CHCHD5: variants seen among roughly 807,000 people sequenced by gnomAD.
The protein encoded by CHCHD5 is coiled-coil-helix-coiled-coil-helix domain-containing protein 5.
Under a neutral mutation model 16.0 loss-of-function variants are expected in CHCHD5, and 10 were observed. That is an observed-to-expected ratio of 0.63 (90% CI 0.39 to 1.06). The LOEUF is 1.06. CHCHD5 is among the 50% of genes least tolerant of loss of function. The pLI, the probability that CHCHD5 is intolerant of heterozygous loss-of-function variation, is 0.01. For synonymous variants in CHCHD5, 55 were observed against 56.3 expected (o/e 0.98, Z 0.10); for missense variants, 163 against 153.4 (o/e 1.06, Z -0.33).
chr2:112,587,069 T>C (rs970157460), intron 3 of CHCHD5: 4 of 155,000 alleles, frequency 2.6e-5, no homozygotes, highest in Non-Finnish European at 5.7e-5. Flanking sequence ...GTCACATCTT[T>C]CCCCAGCCCC....
intron 3 of CHCHD5, 41 bp from the exon 4 acceptor site, chr2:112,588,825 C>T (rs747099296): frequency 2.7e-5 from 42 of 1,570,032 alleles, no homozygotes; most frequent in Non-Finnish European, 3.5e-5. Context: ...AGGCTGGGCA[C>T]AGAGGAGGTG....
intron 3 of CHCHD5, chr2:112,587,173 C>T (rs1486203592): frequency 6.5e-6 from 1 of 153,792 alleles, no homozygotes; most frequent in Non-Finnish European, 1.4e-5. Flanking sequence ...GCCCCATGCT[C>T]CATCTTGACT....
rs140990791 is a variant in CHCHD5, at chr2:112,586,111, C to T, written c.140C>T (p.Ser47Phe). 2.4e-5 allele frequency: 38 copies of T among 1,614,034 alleles called. No individual in the cohort carries two copies. The African/African-American group carries it at 4.9e-4, about 21-fold the overall frequency. The change falls in exon 2 of 4, where the codon TCC (serine) becomes TTC (phenylalanine). Residue 47 changes from serine (S) to phenylalanine (F), a missense_variant. By Grantham distance (155) the Ser-to-Phe change is radical. Coordinates refer to ENST00000324913, the MANE Select transcript of CHCHD5 (RefSeq NM_032309.4). Reference sequence around the variant, plus strand: ...ATGAGCATTGCCCAGTGCACATCCTCCCAGTGAGTGCGGGCAAGTATGAGA... The same window carrying T: ...ATGAGCATTGCCCAGTGCACATCCTTCCAGTGAGTGCGGGCAAGTATGAGA... ...LKMSIAQCTS[S>F]HPIIRQIRQA... is the part of the protein sequence containing the mutation.
rs774654858 is a variant in CHCHD5, at chr2:112,586,875, A to G, written c.309+510A>G. 1.9e-4 allele frequency: 67 copies of G among 343,986 alleles called. 1 individual carries two copies. Among genetic ancestry groups the G allele is most frequent in the Non-Finnish European group, 2.7e-4 (50 of 186,498 alleles). The allele number at this position is 343,986 out of a possible 1,614,324, so 21.3% of individuals were successfully genotyped here. ...GTGGCCAAAAAAAGGTCACTCTTTT[A>G]AATGTATCTAATATGTAAACCAGAT... On this transcript the variant is annotated intron_variant, in intron 3 of 3. Transcript: ENST00000324913.
chr2:112,585,879 C>A, intron 1 of CHCHD5, 95 bp from the exon 2 acceptor site: 2 of 1,405,130 alleles, frequency 1.4e-6, no homozygotes, highest in Non-Finnish European at 1.9e-6. Context: ...GCCTGGGCCA[C>A]AGTGAGACCC....
upstream of CHCHD5, chr2:112,584,513 C>T (rs1685139273): frequency 5.3e-6 from 6 of 1,142,620 alleles, no homozygotes; most frequent in East Asian, 7.3e-5. Context: ...ACAGATTAGT[C>T]CTAAAGGGAA....
Position 112,586,000 on chromosome 2 carries a change from G to C in CHCHD5, c.29G>C (p.Arg10Pro). The change falls in exon 2 of 4, where the codon CGC becomes CCC. Residue 10 changes from arginine (R) to proline (P), a missense_variant. Arg to Pro is a moderately radical substitution (Grantham distance 103). Coordinates refer to ENST00000324913, the MANE Select transcript of CHCHD5 (RefSeq NM_032309.4). MQAALEVTA[R>P]YCGRELEQYG... ...CAGGCGGCCCTAGAGGTCACCGCTCGCTACTGTGGCCGGGAGCTGGAGCAG... is the reference window on the plus strand; with the variant it reads ...CAGGCGGCCCTAGAGGTCACCGCTCCCTACTGTGGCCGGGAGCTGGAGCAG... 1 of 1,614,214 alleles carries C rather than the reference G, an allele frequency of 6.2e-7. No homozygotes were observed. The highest frequency in any genetic ancestry group is 2.2e-5 in the East Asian group (1 of 44,892).
Position 112,584,658 on chromosome 2 carries a change from T to A in CHCHD5, c.2+9T>A, listed in dbSNP as rs1462710462. Reference sequence around the variant, plus strand: ...GGCAAAGGTCTCGAGATGTGAGTAGTGAGAGCGCCTACCCCATACGTGCTG... The same window carrying A: ...GGCAAAGGTCTCGAGATGTGAGTAGAGAGAGCGCCTACCCCATACGTGCTG... On this transcript the variant is annotated intron_variant, in intron 1 of 3. Transcript: ENST00000324913. 1 of 1,613,802 alleles carries A rather than the reference T, an allele frequency of 6.2e-7. No individual in the cohort carries two copies. Among genetic ancestry groups the A allele is most frequent in the East Asian group, 2.2e-5 (1 of 44,894 alleles).
At chr2:112,586,490 A>G in intron 3 of CHCHD5, 125 bp downstream of exon 3, 2 of 1,557,286 alleles carry the variant, frequency 1.3e-6, no homozygotes, top group South Asian at 1.2e-5. Context: ...GGCCTTTGCC[A>G]TGCATCCAGA....
chr2:112,584,626 C>T lies in CHCHD5; in HGVS notation c.-22C>T. On this transcript the variant is annotated 5_prime_UTR_variant, in exon 1 of 4. Transcript: ENST00000324913. ...GGCGGGTCGTTCCCCCCGGACAGCCCTACGCCGGCAAAGGTCTCGAGATGT... is the reference window on the plus strand; with the variant it reads ...GGCGGGTCGTTCCCCCCGGACAGCCTTACGCCGGCAAAGGTCTCGAGATGT... 3 of 1,612,098 alleles carry T rather than the reference C, an allele frequency of 1.9e-6. No homozygotes were observed. Among genetic ancestry groups the T allele is most frequent in the Non-Finnish European group, 2.5e-6 (3 of 1,179,962 alleles).
chr2:112,588,629 G>T, intron 3 of CHCHD5: 1 of 514,806 alleles, frequency 1.9e-6, no homozygotes, highest in South Asian at 2.7e-5. Flanking sequence ...AGAGAGTTTT[G>T]CCTGCTGGGT....
At chr2:112,584,691 CCTT>C (rs1488593647) in intron 1 of CHCHD5, 42 bp downstream of exon 1, 2 of 1,612,706 alleles carry the variant, frequency 1.2e-6, no homozygotes, top group East Asian at 4.5e-5. Flanking sequence ...CTGCCGCTCC[CCTT>C]CTTTTACCCA....
Position 112,584,727 on chromosome 2 carries a change from C to T in CHCHD5, c.2+78C>T, listed in dbSNP as rs1685152361. The T allele has an allele frequency of 5.8e-6, 9 of 1,555,230 alleles. No individual in the cohort carries two copies. In the South Asian group the frequency reaches 9.0e-5, roughly 16 times the overall value. On this transcript the variant is annotated intron_variant, in intron 1 of 3. Coordinates refer to ENST00000324913, the MANE Select transcript of CHCHD5 (RefSeq NM_032309.4). ...CCAGTGATCTAGACCTAGTCTAGGA[C>T]CTCGGGAACTAGGACCAGCCTCCCT...
chr2:112,588,534 C>G (rs1303662199), intron 3 of CHCHD5: 1 of 345,664 alleles, frequency 2.9e-6, no homozygotes, highest in Non-Finnish European at 5.4e-6. Context: ...CCGCACACAC[C>G]TCTGCTCTTT....
intron 1 of CHCHD5, 136 bp downstream of exon 1, chr2:112,584,785 G>C (rs1018003119): frequency 1.8e-6 from 2 of 1,090,984 alleles, no homozygotes; most frequent in Non-Finnish European, 2.7e-6. Context: ...AGGATTCAGC[G>C]CCTTCGCTCA....
intron 2 of CHCHD5, 38 bp from the exon 3 acceptor site, chr2:112,586,162 G>T: frequency 6.2e-7 from 1 of 1,609,548 alleles, no homozygotes; most frequent in Non-Finnish European, 8.5e-7. Flanking sequence ...GCAGTGGGGT[G>T]GGAATCTCCC....
chr2:112,586,044 G>T lies in CHCHD5; in HGVS notation c.73G>T (p.Ala25Ser). 1 of 1,614,252 alleles carries T rather than the reference G, an allele frequency of 6.2e-7. No individual in the cohort carries two copies. ...GGAGCAGTATGGCCAGTGTGTGGCG[G>T]CCAAGCCGGAATCCTGGCAGCGGGA... is the stretch of plus-strand genomic sequence containing the variant. ...ELEQYGQCVAAKPESWQRDCH... is the reference protein window; with the variant it reads ...ELEQYGQCVASKPESWQRDCH... The change falls in exon 2 of 4, where the codon GCC (alanine) becomes TCC (serine). Residue 25 changes from alanine to serine, a missense_variant. Transcript: ENST00000324913.
chr2:112,586,630 C>T lies in CHCHD5; in HGVS notation c.309+265C>T, dbSNP rs183346352. ...CCCTTCCTCCCTCTTTTCTTGCCTC[C>T]ATAAAGCGGCCTGGGTGAGCATGTA... On this transcript the variant is annotated intron_variant, in intron 3 of 3. Transcript: ENST00000324913. 45 of 1,466,692 alleles carry T rather than the reference C, an allele frequency of 3.1e-5. No homozygotes were observed. In the East Asian group the frequency reaches 1.1e-3, roughly 35 times the overall value. The allele number at this position is 1,466,692 out of a possible 1,614,324, so 90.9% of individuals were successfully genotyped here. A position where few individuals can be genotyped will look rare whatever the true frequency, so the allele number is the denominator to read the frequency against.
At position 112,586,201 on chromosome 2, in the gene CHCHD5, C is replaced by G; in HGVS notation, c.145C>G (p.Pro49Ala). The G allele has an allele frequency of 6.2e-7, 1 of 1,609,552 alleles. No homozygotes were observed. Among genetic ancestry groups the G allele is most frequent in the Non-Finnish European group, 8.5e-7 (1 of 1,176,120 alleles). Residue 49 changes from proline to alanine, a missense_variant and splice_region_variant, in exon 3 of 4, where the codon CCA becomes GCA. By Grantham distance (27) the Pro-to-Ala change is conservative. Coordinates refer to ENST00000324913, the MANE Select transcript of CHCHD5 (RefSeq NM_032309.4). ...MSIAQCTSSH[P>A]IIRQIRQACA... ...GGCTGAACTGCCCTACCCCCACAGC[C>G]CAATCATCCGCCAGATCCGCCAGGC...
Sources: gnomAD v4.1 joint callset for allele counts on GRCh38, gnomAD v4.1.1 for gene constraint, MANE v1.5 for transcripts, NCBI Gene and HGNC (gene_info 2026-07-23, HGNC 2026-07-21) for gene names.